The following TCF7 variants were observed in gnomAD, a reference collection of about 807,000 sequenced individuals.
The protein encoded by TCF7 is T-cell-factor-7.
In TCF7, 19 loss-of-function variants were observed where a neutral mutation model predicts 46.8. The ratio of observed to expected loss-of-function variants is 0.41; its 90% CI spans 0.28 to 0.60. TCF7 has a LOEUF of 0.60. Among genes scored for constraint, TCF7 ranks in the 20% least tolerant of loss-of-function variants. TCF7 has a pLI of 0.35. For synonymous variants in TCF7, 245 were observed against 213.4 expected, an observed-to-expected ratio of 1.15 and a Z score of -1.29; for missense variants, 547 against 504.6, an observed-to-expected ratio of 1.08 and a Z score of -0.81.
At chr5:134,132,265 G>A (rs555082328) in intron 3 of TCF7, among the ~76,000 whole-genome samples, 2 of 152,336 alleles carry the variant, frequency 1.3e-5, no homozygotes, top group South Asian at 2.1e-4. Flanking sequence ...AACTCTGCAC[G>A]GTGCTCAGAA....
At position 134,115,146 on chromosome 5, in the gene TCF7, C is replaced by G. The variant is rs1477818740; in HGVS notation, c.240C>G (p.Gly80=). ...GVPGAGAGAR[G]EAEALGREHA... is the part of the protein sequence containing the mutation. ...CGGGGGCCGGCGCCGGGGCCCGCGG[C>G]GAGGCCGAGGTGAGCCCCCGCCGGC... Residue 80 remains glycine (G), a synonymous_variant, in exon 1 of 10, where the codon GGC becomes GGG. Coordinates refer to ENST00000342854, the MANE Select transcript of TCF7 (RefSeq NM_003202.5). The G allele has an allele frequency of 3.0e-6, 3 of 1,014,634 alleles. No homozygotes were observed. The allele number at this position is 1,014,634 out of a possible 1,614,324, so 62.9% of individuals were successfully genotyped here.
intron 5 of TCF7, chr5:134,141,713 G>C (rs1429591941): frequency 6.5e-6 from 1 of 153,732 alleles, no homozygotes; most frequent in Non-Finnish European, 1.4e-5. Flanking sequence ...ATGCAGGGCT[G>C]TGCAGGCCCT....
chr5:134,116,322 G>A (rs547701507), intron 3 of TCF7, among the ~76,000 whole-genome samples: 14 of 152,356 alleles, frequency 9.2e-5, no homozygotes, highest in African/African-American at 3.1e-4. Flanking sequence ...CCAGGGTGGG[G>A]TCTTCTTAGA....
Position 134,140,273 on chromosome 5 carries a change from T to G in TCF7, c.635+1235T>G, listed in dbSNP as rs1417864945. Among the ~76,000 whole-genome samples, 3 of 152,178 alleles carry G rather than the reference T, an allele frequency of 2.0e-5. 1 individual carries two copies. In the East Asian group the frequency reaches 5.8e-4, roughly 29 times the overall value. ...CGTTAGGTCCCTGCCCTCTCAGAAC[T>G]CAGTCTACCTCGTGGGCAACCCAGG... On this transcript the variant is annotated intron_variant, in intron 5 of 9. Transcript: ENST00000342854.
Position 134,143,572 on chromosome 5 carries a change from C to T in TCF7, c.1027-20C>T. 1 of 1,614,086 alleles carries T rather than the reference C, an allele frequency of 6.2e-7. No individual in the cohort carries two copies. The highest frequency in any genetic ancestry group is 1.7e-5 in the Admixed American group (1 of 60,030). On this transcript the variant is annotated intron_variant, in intron 8 of 9. Coordinates refer to ENST00000342854, the MANE Select transcript of TCF7 (RefSeq NM_003202.5). ...TGTCTGCCTCCCAGATCTGAGCATC[C>T]CTCCTTTTGTTCCCTGCAGGGGAAG...
rs143411662 is a variant in TCF7 at position 134,139,260 on chromosome 5, G to C, written c.635+222G>C. 27 of 615,488 alleles carry C rather than the reference G, an allele frequency of 4.4e-5. No individual in the cohort carries two copies. In the East Asian group the frequency reaches 7.7e-4, roughly 18 times the overall value. 38.1% of individuals were successfully genotyped at this position (615,488 alleles called of 1,614,324 possible). A position where few individuals can be genotyped will look rare whatever the true frequency, so the allele number is the denominator to read the frequency against. On this transcript the variant is annotated intron_variant, in intron 5 of 9. Transcript: ENST00000342854. ...CAGGGAGCCTGACATACTCCCTTTG[G>C]AGAGGCAGGAGAGCTGGTCCCTGGT...
chr5:134,133,688 T>TC (rs1758464969), intron 3 of TCF7, among the ~76,000 whole-genome samples: 1 of 152,124 alleles, frequency 6.6e-6, no homozygotes, highest in Non-Finnish European at 1.5e-5. Context: ...CCCTTGATGC[T>TC]CTGCCCTGGA....
At chr5:134,114,608 G>A (rs1393282905), upstream of TCF7, 1 of 151,560 alleles carries the variant, frequency 6.6e-6, no homozygotes, top group African/African-American at 2.4e-5. Flanking sequence ...CCTCTCCCGG[G>A]AGAGGAGAGG....
intron 2 of TCF7, 96 bp from the exon 3 acceptor site, chr5:134,115,813 G>A: frequency 6.4e-7 from 1 of 1,573,894 alleles, no homozygotes; most frequent in Non-Finnish European, 8.6e-7. Flanking sequence ...ACTTGCAGGG[G>A]ACCCCTTGGC....
intron 9 of TCF7, chr5:134,145,233 C>A (rs1760515343): frequency 1.8e-6 from 1 of 559,176 alleles, no homozygotes; most frequent in Admixed American, 1.9e-5. Context: ...CATTATGGCC[C>A]ATGGGCTCCC....
At chr5:134,115,257 C>G in intron 1 of TCF7, 64 bp from the exon 2 acceptor site, 3 of 1,467,484 alleles carry the variant, frequency 2.0e-6, no homozygotes, top group Non-Finnish European at 2.7e-6. Context: ...GCGTCCCTGC[C>G]CCGGCGTCGG....
At chr5:134,122,179 C>T (rs1282139275) in intron 3 of TCF7, among the ~76,000 whole-genome samples, 1 of 152,158 alleles carries the variant, frequency 6.6e-6, no homozygotes, top group Non-Finnish European at 1.5e-5. Flanking sequence ...GCCGATCCTG[C>T]AGACCCCTGG....
At chr5:134,116,615 C>G (rs1755874322) in intron 3 of TCF7, among the ~76,000 whole-genome samples, 1 of 152,172 alleles carries the variant, frequency 6.6e-6, no homozygotes, top group South Asian at 2.1e-4. Flanking sequence ...CTCAGACATA[C>G]CAGGAAGGGT....
intron 2 of TCF7, 57 bp from the exon 3 acceptor site, chr5:134,115,852 C>T (rs1755740332): frequency 6.2e-7 from 1 of 1,610,634 alleles, no homozygotes; most frequent in Non-Finnish European, 8.5e-7. Context: ...AGCAGACAGC[C>T]TTCAGTCCCA....
At chr5:134,117,274 G>T (rs1328056713) in intron 3 of TCF7, among the ~76,000 whole-genome samples, 1 of 152,226 alleles carries the variant, frequency 6.6e-6, no homozygotes, top group Admixed American at 6.5e-5. Context: ...GATGGGGGGT[G>T]TGCCCCCCAG....
At chr5:134,127,414 A>T (rs1757484955) in intron 3 of TCF7, among the ~76,000 whole-genome samples, 1 of 152,226 alleles carries the variant, frequency 6.6e-6, no homozygotes, top group Non-Finnish European at 1.5e-5. Context: ...TTGGTGCCTG[A>T]TGGAAGGACA....
At position 134,142,708 on chromosome 5, in the gene TCF7, T is replaced by C. The variant is rs764054022; in HGVS notation, c.756-13T>C. ...CGGGGGGCTCCTGAACAATCTGGAT[T>C]TGTGCCCCTCAGGAAGACACAAGCA... On this transcript the variant is annotated splice_polypyrimidine_tract_variant and intron_variant, in intron 6 of 9. Coordinates refer to ENST00000342854, the MANE Select transcript of TCF7 (RefSeq NM_003202.5). The C allele has an allele frequency of 1.2e-6, 2 of 1,613,486 alleles. No individual in the cohort carries two copies. Among genetic ancestry groups the C allele is most frequent in the South Asian group, 2.2e-5 (2 of 91,014 alleles).
chr5:134,143,249 G>A, intron 8 of TCF7, 149 bp downstream of exon 8: 1 of 834,390 alleles, frequency 1.2e-6, no homozygotes, highest in Non-Finnish European at 2.0e-6. Flanking sequence ...TCCCATGGCT[G>A]CCTCAGAAGA....
intron 9 of TCF7, chr5:134,144,967 C>T: frequency 9.4e-7 from 1 of 1,067,608 alleles, no homozygotes; most frequent in East Asian, 2.5e-5. Flanking sequence ...TTTGGCCCCT[C>T]AGCCCACTAG....
Sources: gnomAD v4.1 joint callset for allele counts (sites outside exome capture counted in the v4.1 genomes callset) on GRCh38, gnomAD v4.1.1 for gene constraint, MANE v1.5 for transcripts, NCBI Gene and HGNC (gene_info 2026-07-23, HGNC 2026-07-21) for gene names.